The following GPR84 variants were observed in gnomAD, a reference collection of about 807,000 sequenced individuals.
GPR84 encodes G-protein coupled receptor 84.
GPR84 carries 8 observed loss-of-function variants against 14.9 expected under a neutral mutation model. The observed-to-expected ratio is 0.54, with a 90% CI of 0.31 to 0.97. The LOEUF (loss-of-function observed/expected upper bound fraction) is 0.97. GPR84 is among the 50% of genes least tolerant of loss of function. GPR84 has a pLI of 0.04. For missense variants in GPR84, 424 were observed against 498.7 expected, an observed-to-expected ratio of 0.85 and a Z score of 1.43; for synonymous variants, 164 against 198.1, an observed-to-expected ratio of 0.83 and a Z score of 1.45.
chr12:54,361,108 G>A (rs1954263774), downstream of GPR84, among the ~76,000 whole-genome samples: 2 of 152,154 alleles, frequency 1.3e-5, no homozygotes, highest in Non-Finnish European at 2.9e-5. This position sits in a 1 kb window ranked among gnomAD's most constrained non-coding sequence, Gnocchi z 4.3. Context: ...CTGGAGGGAA[G>A]GAATGGTATG....
Position 54,362,755 on chromosome 12 carries a change from T to C in GPR84, c.1097A>G (p.Asn366Ser). The change falls in exon 2 of 2, where the codon AAC becomes AGC. Residue 366 changes from asparagine to serine, a missense_variant. Asn to Ser is a conservative substitution (Grantham distance 46). Transcript: ENST00000267015. The surrounding 1 kb of genome is among the most constrained non-coding windows in gnomAD (Gnocchi z 4.0). ...GTTCATGGCTGCATAGAGCACAGGG[T>C]TGATGCAACCATTGAGCCAGGTGAG... Reference protein sequence around the residue: ...ANLTWLNGCINPVLYAAMNRQ... With the variant: ...ANLTWLNGCISPVLYAAMNRQ... 3.1e-6 allele frequency: 5 copies of C among 1,614,088 alleles called. No homozygotes were observed. The highest frequency in any genetic ancestry group is 4.2e-6 in the Non-Finnish European group (5 of 1,180,012).
chr12:54,353,077 A>G, the GPR84 span, among the ~76,000 whole-genome samples: 1 of 152,176 alleles, frequency 6.6e-6, no homozygotes, highest in East Asian at 1.9e-4. Flanking sequence ...TCTGAGCTTC[A>G]GTTTCCCCAG....
chr12:54,352,902 C>G, the GPR84 span, among the ~76,000 whole-genome samples: 1 of 152,190 alleles, frequency 6.6e-6, no homozygotes, highest in Non-Finnish European at 1.5e-5. Flanking sequence ...CTTCTTTTGT[C>G]TTTGCCTGTC....
At chr12:54,355,066 C>T in the GPR84 span, among the ~76,000 whole-genome samples, 132 of 151,360 alleles carry the variant, frequency 8.7e-4, 1 homozygote, top group Non-Finnish European at 5.9e-4. Context: ...TGGGGAGGGG[C>T]GAGAGGGAGA....
the GPR84 span, among the ~76,000 whole-genome samples, chr12:54,354,363 T>C: frequency 6.6e-6 from 1 of 152,034 alleles, no homozygotes; most frequent in Non-Finnish European, 1.5e-5. Flanking sequence ...GTGATCCACC[T>C]GCCTTGGCCT....
downstream of GPR84, among the ~76,000 whole-genome samples, chr12:54,361,610 A>T (rs1000900413): frequency 1.3e-5 from 2 of 152,062 alleles, no homozygotes; most frequent in Non-Finnish European, 2.9e-5. The surrounding 1 kb of genome is among the most constrained non-coding windows in gnomAD (Gnocchi z 4.3). Context: ...ACCTCAGGTG[A>T]TCCACCTGCC....
At chr12:54,355,633 CCTGT>C in the GPR84 span, among the ~76,000 whole-genome samples, 60 of 152,114 alleles carry the variant, frequency 3.9e-4, no homozygotes, top group Admixed American at 6.5e-4. Context: ...ACCAGCTGCT[CCTGT>C]CTATCTTCTC....
the GPR84 span, among the ~76,000 whole-genome samples, chr12:54,355,521 G>A: frequency 3.4e-4 from 51 of 152,020 alleles, no homozygotes; most frequent in Non-Finnish European, 6.5e-4. Flanking sequence ...CCACAACTCG[G>A]CAATCCTGGC....
chr12:54,356,764 C>T, the GPR84 span, among the ~76,000 whole-genome samples: 17 of 152,302 alleles, frequency 1.1e-4, no homozygotes, highest in East Asian at 1.5e-3. Context: ...CATTCCCACC[C>T]GGGTCTGGTG....
At chr12:54,357,264 T>G in the GPR84 span, among the ~76,000 whole-genome samples, 15 of 152,176 alleles carry the variant, frequency 9.9e-5, no homozygotes, top group African/African-American at 3.4e-4. Context: ...AGCAGTCTAG[T>G]GTATGTACGC....
chr12:54,357,957 G>C (rs958802121), downstream of GPR84, among the ~76,000 whole-genome samples: 4 of 152,138 alleles, frequency 2.6e-5, no homozygotes, highest in South Asian at 8.3e-4. Context: ...GGGCTCTACA[G>C]GATAGTCAAC....
At chr12:54,356,743 A>G in the GPR84 span, among the ~76,000 whole-genome samples, 1 of 152,216 alleles carries the variant, frequency 6.6e-6, no homozygotes, top group Non-Finnish European at 1.5e-5. Flanking sequence ...TCTCACCACA[A>G]TCCCACCAAG....
the GPR84 span, among the ~76,000 whole-genome samples, chr12:54,356,669 C>T: frequency 2.0e-5 from 3 of 152,010 alleles, no homozygotes; most frequent in Non-Finnish European, 4.4e-5. Context: ...AGAGTTACCT[C>T]CGAGTGAGAA....
At chr12:54,354,550 A>G in the GPR84 span, among the ~76,000 whole-genome samples, 1 of 150,290 alleles carries the variant, frequency 6.7e-6, no homozygotes, top group African/African-American at 2.4e-5. Context: ...CTCTTGCCTC[A>G]GCCTCCCGAG....
At chr12:54,355,091 G>T in the GPR84 span, among the ~76,000 whole-genome samples, 5 of 152,236 alleles carry the variant, frequency 3.3e-5, no homozygotes, top group African/African-American at 1.2e-4. Context: ...AAGATGGAAA[G>T]AAACAAAATG....
downstream of GPR84, among the ~76,000 whole-genome samples, chr12:54,361,291 C>T (rs756234126): frequency 6.6e-6 from 1 of 152,154 alleles, no homozygotes; most frequent in Admixed American, 6.5e-5. This position sits in a 1 kb window ranked among gnomAD's most constrained non-coding sequence, Gnocchi z 4.3. Flanking sequence ...AAGCGATTCT[C>T]CCGTCTCAGC....
In GPR84 at chr12:54,363,142, C is replaced by G; in HGVS notation, c.710G>C (p.Arg237Pro). 1.2e-6 allele frequency: 2 copies of G among 1,614,230 alleles called. No homozygotes were observed. Among genetic ancestry groups the G allele is most frequent in the Non-Finnish European group, 1.7e-6 (2 of 1,180,026 alleles). The change falls in exon 2 of 2, where the codon CGT (arginine) becomes CCT (proline). Residue 237 changes from arginine to proline, a missense_variant. Arg to Pro is a moderately radical substitution (Grantham distance 103, BLOSUM62 -2). Coordinates refer to ENST00000267015, the MANE Select transcript of GPR84 (RefSeq NM_020370.3). ...TAACCTGCTGTCCAGCTCCTGGAAA[C>G]GACCAGGCATGGCCTCATCAGTCCT... The part of the protein sequence containing the change: ...VARTDEAMPG[R>P]FQELDSRLAS...
downstream of GPR84, chr12:54,362,416 C>T (rs890260362): frequency 8.0e-5 from 34 of 427,294 alleles, no homozygotes; most frequent in Non-Finnish European, 1.1e-4. The surrounding 1 kb of genome is among the most constrained non-coding windows in gnomAD (Gnocchi z 4.0). Context: ...TGACCTGTTT[C>T]CTTCTTCCCC....
the GPR84 span, chr12:54,351,295 G>A: frequency 6.6e-6 from 1 of 152,114 alleles, no homozygotes; most frequent in Non-Finnish European, 1.5e-5. Flanking sequence ...CTGTGTCCTG[G>A]AGCAAAGCCA....
Sources: allele counts gnomAD v4.1 joint callset (sites outside exome capture counted in the v4.1 genomes callset), GRCh38; gene constraint gnomAD v4.1.1; non-coding constraint Gnocchi (gnomAD v3.1); transcripts MANE v1.5; gene names NCBI Gene and HGNC (gene_info 2026-07-23, HGNC 2026-07-21).